The following MSI2 variants were observed in gnomAD, a reference collection of about 807,000 sequenced individuals.
MSI2 encodes the protein RNA-binding protein Musashi homolog 2.
Under a neutral mutation model 45.6 loss-of-function variants are expected in MSI2, and 17 were observed. The ratio of observed to expected loss-of-function variants is 0.37; its 90% CI spans 0.26 to 0.56. The LOEUF is 0.56. Among genes scored for constraint, MSI2 ranks in the 20% least tolerant of loss-of-function variants. MSI2 has a pLI of 0.77. For missense variants in MSI2, 293 were observed against 444.2 expected, an observed-to-expected ratio of 0.66 and a Z score of 3.06; for synonymous variants, 156 against 158.2, an observed-to-expected ratio of 0.99 and a Z score of 0.11.
intron 5 of MSI2, among the ~76,000 whole-genome samples, chr17:57,386,141 C>T (rs937010099): frequency 1.3e-5 from 2 of 152,156 alleles, no homozygotes; most frequent in East Asian, 1.9e-4. Context: ...ATACCCCTAT[C>T]GAATCACCAG....
At chr17:57,417,527 G>C (rs746869325) in intron 6 of MSI2, among the ~76,000 whole-genome samples, 1 of 152,138 alleles carries the variant, frequency 6.6e-6, no homozygotes, top group Non-Finnish European at 1.5e-5. Context: ...GCCATGTTCA[G>C]TCTCCTCCCT....
rs114394007 is a variant in MSI2 at position 57,360,736 on chromosome 17, G to A, written c.313-40643G>A. On this transcript the variant is annotated intron_variant, in intron 5 of 13. Transcript: ENST00000284073. The stretch of plus-strand genomic sequence containing the variant: ...GAAATTTTTAGAATATGGGAAGAGC[G>A]AATATAACATTTTGTTCAATATTAA... 5.2e-3 allele frequency among the ~76,000 whole-genome samples: 792 copies of A among 152,334 alleles called. 5 individuals carry two copies. Among genetic ancestry groups the A allele is most frequent in the African/African-American group, 0.017 (701 of 41,576 alleles).
At chr17:57,269,848 C>G (rs907202283) in intron 5 of MSI2, among the ~76,000 whole-genome samples, 2 of 152,058 alleles carry the variant, frequency 1.3e-5, no homozygotes, top group Admixed American at 1.3e-4. Context: ...GGCTGAGTGT[C>G]TGCTTGGTGA....
At chr17:57,260,424 C>T (rs1388212994) in intron 4 of MSI2, among the ~76,000 whole-genome samples, 1 of 152,184 alleles carries the variant, frequency 6.6e-6, no homozygotes, top group East Asian at 1.9e-4. Flanking sequence ...CAGCTCCTGG[C>T]ACCTCCCTCA....
chr17:57,687,844 T>C (rs997877794), downstream of MSI2, among the ~76,000 whole-genome samples: 2 of 152,206 alleles, frequency 1.3e-5, no homozygotes, highest in African/African-American at 4.8e-5. Flanking sequence ...AATTCTACAA[T>C]ATATCAAGAG....
intron 8 of MSI2, among the ~76,000 whole-genome samples, chr17:57,607,796 C>T (rs955701154): frequency 6.6e-6 from 1 of 152,184 alleles, no homozygotes; most frequent in African/African-American, 2.4e-5. Context: ...CTTTTACTCA[C>T]GGAGGAAGGC....
rs369756287 is a variant in MSI2 at position 57,322,035 on chromosome 17, G to A, written c.312+59843G>A. 1.5e-3 allele frequency among the ~76,000 whole-genome samples: 222 copies of A among 152,300 alleles called. 3 individuals are homozygous for A. The highest frequency in any genetic ancestry group is 5.2e-3 in the African/African-American group (216 of 41,570). On this transcript the variant is annotated intron_variant, in intron 5 of 13. Coordinates refer to ENST00000284073, the MANE Select transcript of MSI2 (RefSeq NM_138962.4). ...TAGTCTCGAACTCCTGACCTCAGGT[G>A]ATCCACCCACCTTGGCCTCCCAAAG...
At chr17:57,396,964 A>T (rs76855101) in intron 5 of MSI2, among the ~76,000 whole-genome samples, 8 of 152,250 alleles carry the variant, frequency 5.3e-5, no homozygotes, top group Non-Finnish European at 1.0e-4. Context: ...CACATACCAA[A>T]ATGTTATCCG....
intron 6 of MSI2, among the ~76,000 whole-genome samples, chr17:57,468,377 C>T (rs537375572): frequency 3.3e-5 from 5 of 151,658 alleles, no homozygotes; most frequent in East Asian, 3.9e-4. Context: ...AAAAATTAGC[C>T]GGGTGTGGTG....
At chr17:57,655,679 G>A (rs1274936079) in intron 11 of MSI2, among the ~76,000 whole-genome samples, 8 of 152,062 alleles carry the variant, frequency 5.3e-5, no homozygotes, top group East Asian at 1.9e-4. Context: ...ATACTTTCCC[G>A]CCTCTCTTAC....
chr17:57,606,146 T>G (rs1347491953), intron 8 of MSI2: 1 of 152,516 alleles, frequency 6.6e-6, no homozygotes, highest in African/African-American at 2.4e-5. Context: ...GCTAAGAATC[T>G]GCTGTGCTGG....
chr17:57,590,874 C>T (rs1236121615), intron 7 of MSI2, among the ~76,000 whole-genome samples: 1 of 152,198 alleles, frequency 6.6e-6, no homozygotes, highest in Non-Finnish European at 1.5e-5. Flanking sequence ...TGGGTCTCCT[C>T]TCCATCCTGG....
chr17:57,564,674 A>G (rs2087684616), intron 7 of MSI2, among the ~76,000 whole-genome samples: 1 of 152,202 alleles, frequency 6.6e-6, no homozygotes, highest in Non-Finnish European at 1.5e-5. Context: ...CAGTGCACAG[A>G]TGTATAAAGT....
intron 6 of MSI2, among the ~76,000 whole-genome samples, chr17:57,496,718 G>C (rs2085987466): frequency 6.6e-6 from 1 of 152,276 alleles, no homozygotes; most frequent in African/African-American, 2.4e-5. Context: ...CTCCAGTCAA[G>C]TCTGAGGGTG....
At chr17:57,456,538 T>C in intron 6 of MSI2, among the ~76,000 whole-genome samples, 1 of 151,684 alleles carries the variant, frequency 6.6e-6, no homozygotes, top group Non-Finnish European at 1.5e-5. Context: ...GAAGTTGCAG[T>C]GAGCTGAGAT....
At chr17:57,584,709 C>T (rs182668874) in intron 7 of MSI2, among the ~76,000 whole-genome samples, 31 of 151,928 alleles carry the variant, frequency 2.0e-4, no homozygotes, top group Admixed American at 1.8e-3. Context: ...GCTGGGGAAG[C>T]TGAGTGCACC....
chr17:57,503,508 A>G (rs944763631), intron 6 of MSI2, among the ~76,000 whole-genome samples: 4 of 152,214 alleles, frequency 2.6e-5, no homozygotes, highest in Admixed American at 6.5e-5. Context: ...GCCCTCCTTT[A>G]TAACAGATTA....
chr17:57,608,169 A>G (rs1287214526), intron 8 of MSI2: 1 of 152,538 alleles, frequency 6.6e-6, no homozygotes, highest in Non-Finnish European at 1.5e-5. Flanking sequence ...CACAGCTGCC[A>G]GGATTTACAG....
Position 57,407,553 on chromosome 17 carries a change from C to G in MSI2, c.405+6082C>G, listed in dbSNP as rs2084107438. The stretch of plus-strand genomic sequence containing the variant: ...TTGGAAAACAAAAGTCTTGTGTGTC[C>G]TTTGTGGACATCTGAGCTCCCGTGA... On this transcript the variant is annotated intron_variant, in intron 6 of 13. Transcript: ENST00000284073. The surrounding 1 kb of genome is among the most constrained non-coding windows in gnomAD (Gnocchi z 4.1). 6.6e-6 allele frequency among the ~76,000 whole-genome samples: 1 copy of G among 152,104 alleles called. No homozygotes were observed. The highest frequency in any genetic ancestry group is 1.5e-5 in the Non-Finnish European group (1 of 68,016).
Sources: allele counts gnomAD v4.1 joint callset (sites outside exome capture counted in the v4.1 genomes callset), GRCh38; gene constraint gnomAD v4.1.1; non-coding constraint Gnocchi (gnomAD v3.1); transcripts MANE v1.5; gene names NCBI Gene and HGNC (gene_info 2026-07-23, HGNC 2026-07-21).